Variants in DOCK5 observed in about 807,000 individuals in gnomAD.
The protein encoded by DOCK5 is dedicator of cytokinesis protein 5.
A neutral mutation model predicts 251.8 loss-of-function variants in DOCK5; 142 were observed. The ratio of observed to expected loss-of-function variants is 0.56; its 90% CI spans 0.49 to 0.65. The LOEUF is 0.65. Ranked by LOEUF, DOCK5 falls within the 30% of genes least tolerant of loss-of-function variation. The pLI is 0.00. For synonymous variants in DOCK5, 842 were observed against 835.5 expected, an observed-to-expected ratio of 1.01 and a Z score of -0.13; for missense variants, 2,111 against 2,312.3, an observed-to-expected ratio of 0.91 and a Z score of 1.79.
chr8:25,393,280 G>A (rs1427201666), intron 44 of DOCK5, among the ~76,000 whole-genome samples: 3 of 151,926 alleles, frequency 2.0e-5, no homozygotes, highest in Non-Finnish European at 4.4e-5. Flanking sequence ...TCTTCATCTC[G>A]CCCAAAAGCT....
At chr8:25,400,131 C>T (rs1801412462) in intron 46 of DOCK5, 137 bp downstream of exon 46, 1 of 679,480 alleles carries the variant, frequency 1.5e-6, no homozygotes, top group East Asian at 2.7e-5. Context: ...CACCACCTAT[C>T]TATGTATTTG....
chr8:25,396,708 T>G (rs558388578), intron 45 of DOCK5, among the ~76,000 whole-genome samples: 1 of 151,646 alleles, frequency 6.6e-6, no homozygotes, highest in Non-Finnish European at 1.5e-5. Flanking sequence ...GGGTAGAAAT[T>G]AAAGGAGCCA....
At chr8:25,226,173 A>G (rs1802524936) in intron 1 of DOCK5, among the ~76,000 whole-genome samples, 1 of 152,172 alleles carries the variant, frequency 6.6e-6, no homozygotes, top group Admixed American at 6.5e-5. Context: ...TTAAGAAAAA[A>G]GTAAAATAAA....
intron 5 of DOCK5, among the ~76,000 whole-genome samples, chr8:25,291,714 G>A (rs1230035171): frequency 2.7e-5 from 4 of 149,600 alleles, no homozygotes; most frequent in Non-Finnish European, 4.4e-5. Context: ...CAGGCCAGGC[G>A]TGGTGGCTCA....
chr8:25,341,370 A>G lies in DOCK5; in HGVS notation c.2440-369A>G, dbSNP rs536868963. 9.2e-5 allele frequency among the ~76,000 whole-genome samples: 14 copies of G among 152,256 alleles called. No individual in the cohort carries two copies. In the East Asian group the frequency reaches 2.1e-3, roughly 23 times the overall value. On this transcript the variant is annotated intron_variant, in intron 23 of 51. Transcript: ENST00000276440. ...TTTATTATCATAATTTTTTTAAAAA[A>G]TATGAAATATATAATCCCTGAAGGC...
At chr8:25,253,551 T>G (rs1162711941) in intron 2 of DOCK5, among the ~76,000 whole-genome samples, 1 of 152,190 alleles carries the variant, frequency 6.6e-6, no homozygotes, top group East Asian at 1.9e-4. Context: ...ACATCACGGT[T>G]GGGCTGGCTA....
intron 1 of DOCK5, among the ~76,000 whole-genome samples, chr8:25,200,007 T>G (rs896885656): frequency 1.3e-5 from 2 of 152,214 alleles, no homozygotes; most frequent in Non-Finnish European, 2.9e-5. Context: ...ACATTTTCTG[T>G]GAACTTATGT....
chr8:25,364,636 C>T lies in DOCK5; in HGVS notation c.3055C>T (p.Arg1019Cys), dbSNP rs891839673. 14 of 1,599,136 alleles carry T rather than the reference C, an allele frequency of 8.8e-6. No homozygotes were observed. Among genetic ancestry groups the T allele is most frequent in the African/African-American group, 4.0e-5 (3 of 74,798 alleles). ...MNMTQNRVFL[R>C]AINQFAEVLT... ...GTTTTCCTTCCGCAGGGTTTTTCTCCGTGCTATAAATCAGTTTGCTGAAGT... is the reference window on the plus strand; with the variant it reads ...GTTTTCCTTCCGCAGGGTTTTTCTCTGTGCTATAAATCAGTTTGCTGAAGT... Residue 1019 changes from arginine (R) to cysteine (C), a missense_variant, in exon 30 of 52, where the codon CGT becomes TGT. Arg to Cys is a radical substitution (Grantham distance 180, BLOSUM62 -3). Around this residue, in one of 3 missense-constraint regions of DOCK5, gnomAD observed 1,717 missense variants for 1,892.4 expected, o/e 0.91. Transcript: ENST00000276440.
At chr8:25,279,469 G>GTT (rs1236961381) in intron 5 of DOCK5, among the ~76,000 whole-genome samples, 40 of 142,314 alleles carry the variant, frequency 2.8e-4, no homozygotes, top group African/African-American at 7.2e-4. Context: ...TTTCCTTAAT[G>GTT]TTTTTTTTTT....
intron 40 of DOCK5, among the ~76,000 whole-genome samples, chr8:25,387,796 C>T (rs931873): frequency 0.31 from 47,849 of 152,108 alleles, 8,285 homozygotes; most frequent in South Asian, 0.47. Context: ...CTTTACGCTT[C>T]CTTATCCCAT....
intron 11 of DOCK5, among the ~76,000 whole-genome samples, chr8:25,307,468 T>G (rs889978095): frequency 2.6e-5 from 4 of 152,136 alleles, no homozygotes; most frequent in Non-Finnish European, 5.9e-5. Flanking sequence ...AGTCTGTCAT[T>G]GACAGAAACA....
intron 47 of DOCK5, among the ~76,000 whole-genome samples, chr8:25,402,577 T>G (rs1411885240): frequency 6.6e-6 from 1 of 151,928 alleles, no homozygotes; most frequent in Admixed American, 6.6e-5. Flanking sequence ...ATTACAGGTG[T>G]GAGCCACCGC....
rs1554505751 is a variant in DOCK5 at position 25,387,204 on chromosome 8, A to AAGAGAC, written c.4132-1887_4132-1886insAGAGAC. Among the ~76,000 whole-genome samples, 7 of 149,008 alleles carry AAGAGAC rather than the reference A, an allele frequency of 4.7e-5. 1 individual carries two copies. The highest frequency in any genetic ancestry group is 1.7e-4 in the African/African-American group (7 of 40,270). Reference sequence around the variant, plus strand: ...CCAGTGACTTTTTTTTTTTTTTTTAAGAGGTCTCGCTCTGTCATCCAGGCT... The same window carrying AAGAGAC: ...CCAGTGACTTTTTTTTTTTTTTTTAAAGAGACGAGGTCTCGCTCTGTCATCCAGGCT... On this transcript the variant is annotated intron_variant, in intron 40 of 51. Transcript: ENST00000276440.
rs148586564 is a variant in DOCK5, at chr8:25,335,265, A to G, written c.2193-974A>G. Reference sequence around the variant, plus strand: ...AGTGGCCGTTCCACCCAGGAGCCTCACATCCAGGTGGGCAATAGCTACAAA... The same window carrying G: ...AGTGGCCGTTCCACCCAGGAGCCTCGCATCCAGGTGGGCAATAGCTACAAA... On this transcript the variant is annotated intron_variant, in intron 21 of 51. Coordinates refer to ENST00000276440, the MANE Select transcript of DOCK5 (RefSeq NM_024940.8). Among the ~76,000 whole-genome samples, 396 of 152,330 alleles carry G rather than the reference A, an allele frequency of 2.6e-3. 2 individuals carry two copies. Among genetic ancestry groups the G allele is most frequent in the African/African-American group, 9.0e-3 (376 of 41,562 alleles).
intron 1 of DOCK5, among the ~76,000 whole-genome samples, chr8:25,237,376 A>G (rs1314301391): frequency 6.6e-6 from 1 of 152,176 alleles, no homozygotes; most frequent in Non-Finnish European, 1.5e-5. Context: ...TCTCAAAAAA[A>G]TAAAAAATAA....
Position 25,382,776 on chromosome 8 carries a change from C to T in DOCK5, c.4129C>T (p.Arg1377Trp), listed in dbSNP as rs368136518. ...TGGACAGGGCTTTCCTTCTTTCCTACGGGTAAGAAACCTGATGGTGGTCTC... is the reference window on the plus strand; with the variant it reads ...TGGACAGGGCTTTCCTTCTTTCCTATGGGTAAGAAACCTGATGGTGGTCTC... Reference protein sequence around the residue: ...YYGQGFPSFLRNKIFIYRGKE... With the variant: ...YYGQGFPSFLWNKIFIYRGKE... Residue 1377 changes from arginine to tryptophan, a missense_variant and splice_region_variant, in exon 40 of 52, where the codon CGG (arginine) becomes TGG (tryptophan). By Grantham distance (101) the Arg-to-Trp change is moderately radical. Coordinates refer to ENST00000276440, the MANE Select transcript of DOCK5 (RefSeq NM_024940.8). 1.1e-5 allele frequency: 18 copies of T among 1,609,666 alleles called. No homozygotes were observed. The highest frequency in any genetic ancestry group is 3.4e-5 in the Admixed American group (2 of 59,630).
chr8:25,219,343 A>G (rs1586237412), intron 1 of DOCK5, among the ~76,000 whole-genome samples: 1 of 151,692 alleles, frequency 6.6e-6, no homozygotes. Flanking sequence ...ATGTTTTTTT[A>G]TTAAAGACCT....
intron 37 of DOCK5, 150 bp from the exon 38 acceptor site, chr8:25,377,155 A>G: frequency 1.0e-6 from 1 of 980,092 alleles, no homozygotes. Context: ...TGGAGCTGGC[A>G]TGTGTATATG....
chr8:25,310,076 A>C (rs186637011), intron 12 of DOCK5, among the ~76,000 whole-genome samples: 2 of 152,040 alleles, frequency 1.3e-5, no homozygotes, highest in Non-Finnish European at 2.9e-5. Context: ...GCTATATACT[A>C]TAGTGTTTCA....
Sources: allele counts gnomAD v4.1 joint callset (sites outside exome capture counted in the v4.1 genomes callset), GRCh38; gene constraint gnomAD v4.1.1; regional missense constraint gnomAD v4.1.1; transcripts MANE v1.5; gene names NCBI Gene and HGNC (gene_info 2026-07-23, HGNC 2026-07-21).